Variants in KCNIP3 observed in about 807,000 individuals in gnomAD.
The protein encoded by KCNIP3 is potassium voltage-gated channel interacting protein 3.
KCNIP3 carries 28 observed loss-of-function variants against 35.0 expected under a neutral mutation model. The ratio of observed to expected loss-of-function variants is 0.80; its 90% CI spans 0.59 to 1.10. KCNIP3 has a LOEUF of 1.10. KCNIP3 is among the 50% of genes least tolerant of loss of function. The pLI is 0.00. For missense variants in KCNIP3, 295 were observed against 338.4 expected, an observed-to-expected ratio of 0.87 and a Z score of 1.01; for synonymous variants, 134 against 133.8, an observed-to-expected ratio of 1.00 and a Z score of -0.01.
intron 2 of KCNIP3, among the ~76,000 whole-genome samples, chr2:95,366,198 C>CTTTGG (rs1679914073): frequency 1.3e-5 from 2 of 152,152 alleles, no homozygotes; most frequent in Non-Finnish European, 2.9e-5. Flanking sequence ...TATGCTGCCT[C>CTTTGG]TTTGGTAGTC....
intron 2 of KCNIP3, among the ~76,000 whole-genome samples, chr2:95,325,814 CACACAT>C (rs767458772): frequency 1.3e-3 from 188 of 150,034 alleles, no homozygotes; most frequent in Non-Finnish European, 2.1e-3. Flanking sequence ...TACACTCATA[CACACAT>C]ACACATACAC....
chr2:95,356,668 G>A (rs190574825), intron 2 of KCNIP3, among the ~76,000 whole-genome samples: 78 of 152,238 alleles, frequency 5.1e-4, no homozygotes, highest in African/African-American at 1.9e-3. Flanking sequence ...TAGATGTGTG[G>A]TGTTATTTCT....
chr2:95,322,552 A>G (rs1344874521), intron 2 of KCNIP3, among the ~76,000 whole-genome samples: 6 of 152,130 alleles, frequency 3.9e-5, no homozygotes, highest in Admixed American at 2.6e-4. Flanking sequence ...TAAGGATTCT[A>G]TCAGTGTCCA....
intron 2 of KCNIP3, among the ~76,000 whole-genome samples, chr2:95,352,803 G>T (rs2104275282): frequency 6.6e-6 from 1 of 152,330 alleles, no homozygotes; most frequent in African/African-American, 2.4e-5. Context: ...CACTGGCAAT[G>T]CCGGACCTTC....
chr2:95,343,555 G>A (rs1679270471), intron 2 of KCNIP3, among the ~76,000 whole-genome samples: 2 of 152,126 alleles, frequency 1.3e-5, no homozygotes, highest in Non-Finnish European at 2.9e-5. Context: ...TATGAGTCAG[G>A]AGACCTCATG....
At chr2:95,360,407 A>G (rs1679765621) in intron 2 of KCNIP3, among the ~76,000 whole-genome samples, 1 of 152,172 alleles carries the variant, frequency 6.6e-6, no homozygotes, top group African/African-American at 2.4e-5. Context: ...GACTTTTCCT[A>G]CAGCTCTTCT....
intron 5 of KCNIP3, among the ~76,000 whole-genome samples, chr2:95,380,030 G>A (rs539116147): frequency 1.1e-3 from 163 of 152,088 alleles, no homozygotes; most frequent in African/African-American, 3.9e-3. Flanking sequence ...CGTTCTTCCC[G>A]AACTGCCTGT....
intron 1 of KCNIP3, among the ~76,000 whole-genome samples, chr2:95,302,717 G>T (rs533819393): frequency 6.6e-6 from 1 of 152,168 alleles, no homozygotes; most frequent in East Asian, 1.9e-4. Context: ...CACCGAGCTG[G>T]GAAGCGAGGG....
Position 95,377,668 on chromosome 2 carries a change from C to T in KCNIP3, c.447+2460C>T, listed in dbSNP as rs549723913. Among the ~76,000 whole-genome samples, 1 of 152,322 alleles carries T rather than the reference C, an allele frequency of 6.6e-6. No homozygotes were observed. The highest frequency in any genetic ancestry group is 1.5e-5 in the Non-Finnish European group (1 of 68,034). On this transcript the variant is annotated intron_variant, in intron 5 of 8. Coordinates refer to ENST00000295225, the MANE Select transcript of KCNIP3 (RefSeq NM_013434.5). This position sits in a 1 kb window ranked among gnomAD's most constrained non-coding sequence, Gnocchi z 4.7. ...GTATGGCCAAGGAATTTAGAACCAGCGTGCACTCAGACATGGGCTGGCTGG... is the reference window on the plus strand; with the variant it reads ...GTATGGCCAAGGAATTTAGAACCAGTGTGCACTCAGACATGGGCTGGCTGG...
At chr2:95,324,303 A>C (rs1469632298) in intron 2 of KCNIP3, among the ~76,000 whole-genome samples, 1 of 152,072 alleles carries the variant, frequency 6.6e-6, no homozygotes, top group African/African-American at 2.4e-5. Flanking sequence ...CGAGGTCAGG[A>C]GATCGAGACC....
intron 2 of KCNIP3, among the ~76,000 whole-genome samples, chr2:95,345,927 C>T (rs1679343442): frequency 6.6e-6 from 1 of 152,262 alleles, no homozygotes; most frequent in African/African-American, 2.4e-5. Context: ...TAGCTCTTCC[C>T]CGCCGCCCGA....
At position 95,319,301 on chromosome 2, in the gene KCNIP3, G is replaced by A. The variant is rs565718204; in HGVS notation, c.181+8781G>A. ...TGGTGGCTCTGAGTGGGGACTCGGA[G>A]AGCCCAGGGTTCCTGGGCCTTCCAG... On this transcript the variant is annotated intron_variant, in intron 2 of 8. Transcript: ENST00000295225. Among the ~76,000 whole-genome samples the A allele has an allele frequency of 2.6e-5, 4 of 152,324 alleles. No homozygotes were observed. The East Asian group carries it at 7.7e-4, about 29-fold the overall frequency.
rs1318498124 is a variant in KCNIP3 at position 95,385,754 on chromosome 2, G to A, written c.*1705G>A. 6.5e-6 allele frequency: 1 copy of A among 152,782 alleles called. No homozygotes were observed. The highest frequency in any genetic ancestry group is 6.5e-5 in the Admixed American group (1 of 15,298). 9.5% of individuals were successfully genotyped at this position (152,782 alleles called of 1,614,324 possible). Reference sequence around the variant, plus strand: ...GCTGACTGGGGGCCTCTGCCTCCAGGAGGGCATCAGCTTTCCCTGGCTCAG... The same window carrying A: ...GCTGACTGGGGGCCTCTGCCTCCAGAAGGGCATCAGCTTTCCCTGGCTCAG... On this transcript the variant is annotated 3_prime_UTR_variant, in exon 9 of 9. Transcript: ENST00000295225.
intron 2 of KCNIP3, among the ~76,000 whole-genome samples, chr2:95,343,184 G>A (rs1410711852): frequency 1.3e-5 from 2 of 152,084 alleles, no homozygotes; most frequent in Non-Finnish European, 2.9e-5. Context: ...GGACGGGGTG[G>A]GGACAGGCAG....
rs569096479 is a variant in KCNIP3, at chr2:95,355,625, T to C, written c.182-18671T>C. 4.7e-4 allele frequency among the ~76,000 whole-genome samples: 72 copies of C among 152,316 alleles called. No homozygotes were observed. The South Asian group carries it at 0.014, about 30-fold the overall frequency. On this transcript the variant is annotated intron_variant, in intron 2 of 8. Transcript: ENST00000295225. ...GTTTTCTGTCCTTGTGATAGTTTGC[T>C]GAGAACGATGGTTTCCAGCTTCATC...
chr2:95,362,401 C>T (rs749006448), intron 2 of KCNIP3, among the ~76,000 whole-genome samples: 3 of 152,132 alleles, frequency 2.0e-5, no homozygotes, highest in East Asian at 1.9e-4. Context: ...CCACCACACC[C>T]GGCCTCTCTT....
chr2:95,336,505 GC>G (rs1679063194), intron 2 of KCNIP3, among the ~76,000 whole-genome samples: 1 of 151,842 alleles, frequency 6.6e-6, no homozygotes, highest in Admixed American at 6.6e-5. Flanking sequence ...GTCCTTATCT[GC>G]TTACTTAAAC....
intron 5 of KCNIP3, among the ~76,000 whole-genome samples, chr2:95,381,255 A>C (rs1680329885): frequency 6.6e-6 from 1 of 152,084 alleles, no homozygotes; most frequent in Admixed American, 6.5e-5. Flanking sequence ...ATGCGCATGC[A>C]CTCACACAGG....
At chr2:95,344,380 G>A (rs1235367315) in intron 2 of KCNIP3, among the ~76,000 whole-genome samples, 1 of 152,200 alleles carries the variant, frequency 6.6e-6, no homozygotes, top group Non-Finnish European at 1.5e-5. Flanking sequence ...GTGGGCCTAC[G>A]CTGGTGAGTG....
Sources: allele counts gnomAD v4.1 joint callset (sites outside exome capture counted in the v4.1 genomes callset), GRCh38; gene constraint gnomAD v4.1.1; non-coding constraint Gnocchi (gnomAD v3.1); transcripts MANE v1.5; gene names NCBI Gene and HGNC (gene_info 2026-07-23, HGNC 2026-07-21).